The following PGCKA1 variants were observed in gnomAD, a reference collection of about 807,000 sequenced individuals.
PGCKA1 encodes PDCD10 and GCKIII kinases associated 1.
the PGCKA1 span, among the ~76,000 whole-genome samples, chr4:37,487,044 G>T: frequency 3.3e-5 from 5 of 152,172 alleles, no homozygotes; most frequent in African/African-American, 1.2e-4. Flanking sequence ...TGTCTACACT[G>T]GGAGTGATTG....
At chr4:37,528,147 A>T in the PGCKA1 span, among the ~76,000 whole-genome samples, 4 of 152,234 alleles carry the variant, frequency 2.6e-5, no homozygotes, top group African/African-American at 9.6e-5. Flanking sequence ...CTCCAGGAGC[A>T]GGAAGTTAGC....
the PGCKA1 span, among the ~76,000 whole-genome samples, chr4:37,508,991 TGG>T: frequency 1.3e-5 from 2 of 151,114 alleles, no homozygotes; most frequent in African/African-American, 4.9e-5. Context: ...AGCAGGGGGT[TGG>T]GGGTAAGGTT....
At chr4:37,564,738 C>T in the PGCKA1 span, among the ~76,000 whole-genome samples, 1 of 152,092 alleles carries the variant, frequency 6.6e-6, no homozygotes, top group African/African-American at 2.4e-5. Flanking sequence ...AACTCCTGAC[C>T]TCAGGTGATC....
the PGCKA1 span, among the ~76,000 whole-genome samples, chr4:37,500,049 A>G: frequency 2.0e-5 from 3 of 148,150 alleles, no homozygotes; most frequent in African/African-American, 7.5e-5. Flanking sequence ...CAGCCTCCCG[A>G]GTAGCTGGGA....
the PGCKA1 span, among the ~76,000 whole-genome samples, chr4:37,533,899 A>G: frequency 6.6e-6 from 1 of 152,186 alleles, no homozygotes; most frequent in Non-Finnish European, 1.5e-5. Context: ...TATCAGGCAG[A>G]ATTTTGTTCT....
chr4:37,509,709 C>G, the PGCKA1 span, among the ~76,000 whole-genome samples: 1 of 151,316 alleles, frequency 6.6e-6, no homozygotes, highest in African/African-American at 2.4e-5. Context: ...ATCTGCAATC[C>G]CAGCACTTCG....
chr4:37,566,298 T>C, the PGCKA1 span, among the ~76,000 whole-genome samples: 2 of 152,118 alleles, frequency 1.3e-5, no homozygotes, highest in Non-Finnish European at 2.9e-5. Context: ...TTTTGCTTTT[T>C]GAGACACAGT....
chr4:37,585,723 A>G, the PGCKA1 span, among the ~76,000 whole-genome samples: 1 of 151,970 alleles, frequency 6.6e-6, no homozygotes. Flanking sequence ...CAGAAAAGGA[A>G]AGTAAAGGAG....
At chr4:37,546,859 GC>G in the PGCKA1 span, among the ~76,000 whole-genome samples, 19 of 152,380 alleles carry the variant, frequency 1.2e-4, no homozygotes, top group African/African-American at 3.6e-4. Flanking sequence ...CACGTAGCAG[GC>G]CCCTGCAGTG....
the PGCKA1 span, among the ~76,000 whole-genome samples, chr4:37,492,063 G>A: frequency 6.7e-6 from 1 of 148,252 alleles, no homozygotes; most frequent in African/African-American, 2.5e-5. The surrounding 1 kb of genome is among the most constrained non-coding windows in gnomAD (Gnocchi z 4.7). Flanking sequence ...TTTTCTTTAG[G>A]TGGAGTCTTG....
chr4:37,535,647 C>T, the PGCKA1 span, among the ~76,000 whole-genome samples: 3 of 152,230 alleles, frequency 2.0e-5, no homozygotes, highest in Non-Finnish European at 4.4e-5. Flanking sequence ...TTTGATTCCA[C>T]ATTCGTAAAG....
the PGCKA1 span, among the ~76,000 whole-genome samples, chr4:37,530,490 C>T: frequency 1.3e-5 from 2 of 149,138 alleles, no homozygotes; most frequent in South Asian, 4.2e-4. Flanking sequence ...ACAAGAATCG[C>T]TTGAACCCAG....
At chr4:37,527,533 T>C in the PGCKA1 span, among the ~76,000 whole-genome samples, 1 of 152,100 alleles carries the variant, frequency 6.6e-6, no homozygotes, top group Non-Finnish European at 1.5e-5. Flanking sequence ...ATAAATACTT[T>C]TATGAGCCGG....
At chr4:37,561,746 A>G in the PGCKA1 span, among the ~76,000 whole-genome samples, 1 of 152,238 alleles carries the variant, frequency 6.6e-6, no homozygotes, top group Non-Finnish European at 1.5e-5. Context: ...TCTCAGGGGA[A>G]ATATGGGGTT....
chr4:37,592,208 CAAAA>C, the PGCKA1 span, among the ~76,000 whole-genome samples: 336 of 93,356 alleles, frequency 3.6e-3, 1 homozygote, highest in Non-Finnish European at 4.4e-3. Context: ...GACTCCATCT[CAAAA>C]AAAAAAAAAA....
At chr4:37,525,886 C>T in the PGCKA1 span, among the ~76,000 whole-genome samples, 1 of 152,158 alleles carries the variant, frequency 6.6e-6, no homozygotes, top group African/African-American at 2.4e-5. Flanking sequence ...TTCTGCCATT[C>T]ATTAATTCAT....
the PGCKA1 span, among the ~76,000 whole-genome samples, chr4:37,505,043 A>G: frequency 6.6e-6 from 1 of 152,188 alleles, no homozygotes; most frequent in African/African-American, 2.4e-5. Flanking sequence ...TCAGTATGAT[A>G]CCAGCTGTAG....
At chr4:37,591,907 T>G in the PGCKA1 span, 2 of 152,150 alleles carry the variant, frequency 1.3e-5, no homozygotes, top group African/African-American at 4.8e-5. Context: ...TTACTTTCAA[T>G]GTAAAGAACT....
At chr4:37,476,374 T>C in the PGCKA1 span, among the ~76,000 whole-genome samples, 1 of 152,192 alleles carries the variant, frequency 6.6e-6, no homozygotes, top group Non-Finnish European at 1.5e-5. Flanking sequence ...TGTTCTTTAG[T>C]CTATTAACAG....
Sources: allele counts gnomAD v4.1 joint callset (sites outside exome capture counted in the v4.1 genomes callset), GRCh38; gene constraint gnomAD v4.1.1; non-coding constraint Gnocchi (gnomAD v3.1); transcripts MANE v1.5; gene names NCBI Gene and HGNC (gene_info 2026-07-23, HGNC 2026-07-21).